Variants in ACSS3 observed in about 807,000 individuals in gnomAD.
The protein encoded by ACSS3 is acyl-CoA synthetase short chain family member 3.
A neutral mutation model predicts 84.2 loss-of-function variants in ACSS3; 64 were observed. The ratio of observed to expected loss-of-function variants is 0.76; its 90% confidence interval spans 0.62 to 0.94. The LOEUF is 0.94. Ranked by LOEUF, ACSS3 falls within the 40% of genes least tolerant of loss-of-function variation. ACSS3 has a pLI of 0.00. For missense variants in ACSS3, 815 were observed against 867.6 expected, an observed-to-expected ratio of 0.94 and a Z score of 0.76; for synonymous variants, 317 against 310.1, an observed-to-expected ratio of 1.02 and a Z score of -0.23.
chr12:81,218,955 TC>T (rs1179079721), intron 10 of ACSS3, among the ~76,000 whole-genome samples: 1 of 151,998 alleles, frequency 6.6e-6, no homozygotes, highest in East Asian at 1.9e-4. Flanking sequence ...AAACGCAGGA[TC>T]CTTTTAGGAA....
chr12:81,208,882 T>A (rs1056581556), intron 9 of ACSS3, among the ~76,000 whole-genome samples: 2 of 152,292 alleles, frequency 1.3e-5, no homozygotes, highest in South Asian at 2.1e-4. Context: ...TTTGGCATGT[T>A]ATTTATACCC....
intron 3 of ACSS3, among the ~76,000 whole-genome samples, chr12:81,135,407 A>G (rs1416948270): frequency 7.2e-6 from 1 of 139,286 alleles, no homozygotes; most frequent in African/African-American, 2.8e-5. Flanking sequence ...ACTTAAATAC[A>G]TATAATAATA....
chr12:81,079,986 A>G (rs1301532659), intron 1 of ACSS3, among the ~76,000 whole-genome samples: 1 of 152,216 alleles, frequency 6.6e-6, no homozygotes, highest in African/African-American at 2.4e-5. Flanking sequence ...AGTATTCCTC[A>G]GATGAAAGCA....
chr12:81,096,811 T>C (rs1038968372), intron 1 of ACSS3, among the ~76,000 whole-genome samples: 69 of 152,192 alleles, frequency 4.5e-4, no homozygotes, highest in African/African-American at 1.6e-3. Flanking sequence ...CATCCTTTTT[T>C]ATGGCTGCAT....
At chr12:81,199,529 C>G (rs1319345446) in intron 9 of ACSS3, 85 bp downstream of exon 9, 7 of 1,480,792 alleles carry the variant, frequency 4.7e-6, no homozygotes, top group Non-Finnish European at 6.5e-6. Flanking sequence ...TGAGCTACGA[C>G]CAGCAGATCA....
At position 81,202,743 on chromosome 12, in the gene ACSS3, A is replaced by G. The variant is rs116774560; in HGVS notation, c.1354+3299A>G. On this transcript the variant is annotated intron_variant, in intron 9 of 15. Coordinates refer to ENST00000548058, the MANE Select transcript of ACSS3 (RefSeq NM_024560.4). ...ATACATGTGTACAAATGAGCTGCTTAGAAACTGTGATGTGTAATTTGAAAT... is the reference window on the plus strand; with the variant it reads ...ATACATGTGTACAAATGAGCTGCTTGGAAACTGTGATGTGTAATTTGAAAT... Among the ~76,000 whole-genome samples the G allele has an allele frequency of 2.4e-3, 365 of 152,332 alleles. 4 individuals carry two copies. The highest frequency in any genetic ancestry group is 8.3e-3 in the African/African-American group (347 of 41,574).
At chr12:81,131,275 C>G (rs1424794681) in intron 2 of ACSS3, among the ~76,000 whole-genome samples, 1 of 152,110 alleles carries the variant, frequency 6.6e-6, no homozygotes, top group African/African-American at 2.4e-5. Flanking sequence ...AGTGTTCTTC[C>G]ATTTGTTTGT....
intron 7 of ACSS3, among the ~76,000 whole-genome samples, chr12:81,165,720 C>G (rs1328163921): frequency 6.6e-6 from 1 of 152,032 alleles, no homozygotes; most frequent in Non-Finnish European, 1.5e-5. Context: ...AACTCTTACA[C>G]TGTGTAGAAG....
chr12:81,169,477 T>C (rs534192340), intron 7 of ACSS3, among the ~76,000 whole-genome samples: 34 of 152,302 alleles, frequency 2.2e-4, no homozygotes, highest in Non-Finnish European at 4.1e-4. Context: ...CACCCTCTTT[T>C]TTCATACTTT....
chr12:81,196,786 A>G (rs908803591), intron 8 of ACSS3, among the ~76,000 whole-genome samples: 3 of 152,030 alleles, frequency 2.0e-5, no homozygotes, highest in Non-Finnish European at 4.4e-5. Flanking sequence ...AAGAGGGAGG[A>G]GAGGAGGTGC....
At chr12:81,117,127 G>C (rs1372218989) in intron 2 of ACSS3, among the ~76,000 whole-genome samples, 1 of 152,080 alleles carries the variant, frequency 6.6e-6, no homozygotes. Flanking sequence ...CTTTTAGAAA[G>C]TTATCTGAAA....
intron 5 of ACSS3, among the ~76,000 whole-genome samples, chr12:81,144,833 G>A (rs1338266000): frequency 6.6e-6 from 1 of 151,472 alleles, no homozygotes; most frequent in East Asian, 1.9e-4. Flanking sequence ...AATACACAGA[G>A]CATTATATTG....
At chr12:81,085,942 A>G (rs1026735943) in intron 1 of ACSS3, among the ~76,000 whole-genome samples, 47 of 152,148 alleles carry the variant, frequency 3.1e-4, no homozygotes, top group African/African-American at 9.9e-4. Context: ...AAAAAAAAGT[A>G]CTTTATCTTG....
At chr12:81,184,713 T>G (rs2031151722) in intron 8 of ACSS3, among the ~76,000 whole-genome samples, 1 of 151,662 alleles carries the variant, frequency 6.6e-6, no homozygotes, top group Admixed American at 6.6e-5. Context: ...CTACCAATAT[T>G]AAGTCAATTA....
At chr12:81,218,826 T>C (rs1254963908) in intron 10 of ACSS3, among the ~76,000 whole-genome samples, 3 of 152,096 alleles carry the variant, frequency 2.0e-5, no homozygotes, top group African/African-American at 7.2e-5. Context: ...TTGCAGACAG[T>C]ACAGGTTAAA....
In ACSS3 at chr12:81,200,061, T is replaced by G. The variant is rs553087883; in HGVS notation, c.1354+617T>G. Among the ~76,000 whole-genome samples the G allele has an allele frequency of 2.0e-5, 3 of 152,344 alleles. No individual in the cohort carries two copies. The East Asian group carries it at 5.8e-4, about 29-fold the overall frequency. ...TTTAATTTATTTTGTTTATTCCCTA[T>G]AGTCCTCCCTCTAAGTGTTCCCTGG... On this transcript the variant is annotated intron_variant, in intron 9 of 15. Transcript: ENST00000548058.
intron 8 of ACSS3, among the ~76,000 whole-genome samples, chr12:81,192,103 C>T (rs1199576279): frequency 3.3e-5 from 5 of 152,136 alleles, no homozygotes; most frequent in East Asian, 1.9e-4. Context: ...CTATTTTGGC[C>T]GGGTGCGGTG....
intron 1 of ACSS3, among the ~76,000 whole-genome samples, chr12:81,091,054 ATTG>A (rs1360619388): frequency 6.6e-6 from 1 of 152,000 alleles, no homozygotes; most frequent in Non-Finnish European, 1.5e-5. Context: ...TAATTATTAT[ATTG>A]TTATTTAAAA....
Position 81,213,011 on chromosome 12 carries a change from G to A in ACSS3, c.1355-3890G>A, listed in dbSNP as rs531252520. ...TGAACATTTTGTGTTTCTAAGGTGA[G>A]GTGCTTTTGTAAAGTTTTGTCTAAA... On this transcript the variant is annotated intron_variant, in intron 9 of 15. Transcript: ENST00000548058. 3.9e-5 allele frequency among the ~76,000 whole-genome samples: 6 copies of A among 152,264 alleles called. No individual in the cohort carries two copies. In the South Asian group the frequency reaches 1.2e-3, roughly 32 times the overall value.
Sources: gnomAD v4.1 joint callset for allele counts (sites outside exome capture counted in the v4.1 genomes callset) on GRCh38, gnomAD v4.1.1 for gene constraint, MANE v1.5 for transcripts, NCBI Gene and HGNC (gene_info 2026-07-23, HGNC 2026-07-21) for gene names.